Variants in GBE1 observed in about 807,000 individuals in gnomAD.
GBE1 encodes 1,4-alpha-glucan-branching enzyme.
Under a neutral mutation model 88.8 loss-of-function variants are expected in GBE1, and 70 were observed. The observed-to-expected ratio is 0.79, with a 90% CI of 0.65 to 0.96. The LOEUF is 0.96. Among genes scored for constraint, GBE1 ranks in the 40% least tolerant of loss-of-function variants. The probability of loss-of-function intolerance (pLI) is 0.00; values close to 1 mark genes in which losing one functional copy is unlikely to be tolerated. For synonymous variants in GBE1, 284 were observed against 300.1 expected, an observed-to-expected ratio of 0.95 and a Z score of 0.56; for missense variants, 872 against 871.0, an observed-to-expected ratio of 1.00 and a Z score of -0.01.
chr3:81,612,040 T>C (rs1704188460), intron 7 of GBE1, among the ~76,000 whole-genome samples: 1 of 152,092 alleles, frequency 6.6e-6, no homozygotes, highest in Admixed American at 6.6e-5. Flanking sequence ...TAATATGCAT[T>C]AATCAGTACT....
chr3:81,586,063 A>G, intron 10 of GBE1, 29 bp downstream of exon 10: 2 of 1,373,086 alleles, frequency 1.5e-6, no homozygotes, highest in South Asian at 2.5e-5. Flanking sequence ...GTATTCACAG[A>G]AACAAAAAAT....
At chr3:81,588,804 G>T (rs1559654296) in intron 9 of GBE1, among the ~76,000 whole-genome samples, 1 of 152,040 alleles carries the variant, frequency 6.6e-6, no homozygotes, top group Non-Finnish European at 1.5e-5. Context: ...AAGAGAGATG[G>T]ATTTGAGACT....
chr3:81,628,742 C>CATATACATATATATATAT (rs1704455928), intron 7 of GBE1, among the ~76,000 whole-genome samples: 1 of 65,418 alleles, frequency 1.5e-5, no homozygotes, highest in Non-Finnish European at 2.7e-5. Context: ...AGAACAATTG[C>CATATACATATATATATAT]ATATATATAT....
rs1576184666 is a variant in GBE1 at position 81,648,924 on chromosome 3, G to T, written c.623C>A (p.Ser208Tyr). The T allele has an allele frequency of 1.9e-6, 3 of 1,584,882 alleles. No individual in the cohort carries two copies. The East Asian group carries it at 6.8e-5, about 36-fold the overall frequency. ...ATAAGAAGCTACTTTTCCTTCATGG[G>T]AAGAAATTCCCACATGAGATTCATA... The part of the protein sequence containing the change: ...RIYESHVGIS[S>Y]HEGKVASYKH... The change falls in exon 5 of 16, where the codon TCC (serine) becomes TAC (tyrosine). Residue 208 changes from serine (S) to tyrosine (Y), a missense_variant. Ser to Tyr is a moderately radical substitution (Grantham distance 144). Coordinates refer to ENST00000429644, the MANE Select transcript of GBE1 (RefSeq NM_000158.4).
chr3:81,717,098 T>C (rs866354782), intron 1 of GBE1, among the ~76,000 whole-genome samples: 3 of 152,342 alleles, frequency 2.0e-5, no homozygotes, highest in South Asian at 2.1e-4. Context: ...CTGATTACCT[T>C]GGAAAAGGGC....
intron 12 of GBE1, among the ~76,000 whole-genome samples, chr3:81,571,294 G>A (rs1319537575): frequency 6.6e-6 from 1 of 152,198 alleles, no homozygotes; most frequent in African/African-American, 2.4e-5. Flanking sequence ...ATTAAGGAAT[G>A]AATGAGCAAA....
intron 14 of GBE1, among the ~76,000 whole-genome samples, chr3:81,512,553 A>G (rs913448130): frequency 3.3e-5 from 5 of 151,880 alleles, no homozygotes; most frequent in African/African-American, 1.2e-4. Flanking sequence ...TTAGTGAGAC[A>G]CACTTCATGT....
At chr3:81,621,704 CA>C (rs1477822891) in intron 7 of GBE1, among the ~76,000 whole-genome samples, 3 of 152,162 alleles carry the variant, frequency 2.0e-5, no homozygotes, top group African/African-American at 7.2e-5. Context: ...CTAGTCCTAA[CA>C]AAACTCCACC....
At position 81,729,920 on chromosome 3, in the gene GBE1, G is replaced by A. The variant is rs75355691; in HGVS notation, c.144-24307C>T. Among the ~76,000 whole-genome samples, 627 of 152,274 alleles carry A rather than the reference G, an allele frequency of 4.1e-3. 9 individuals carry two copies. The highest frequency in any genetic ancestry group is 0.014 in the Middle Eastern group (4 of 292). The stretch of plus-strand genomic sequence containing the variant: ...TCAGAATGTTACCATTCTATGGACT[G>A]ATCAACCAACTGTGTGGGAGCAGGC... On this transcript the variant is annotated intron_variant, in intron 1 of 15. Coordinates refer to ENST00000429644, the MANE Select transcript of GBE1 (RefSeq NM_000158.4).
intron 7 of GBE1, among the ~76,000 whole-genome samples, chr3:81,618,090 C>T (rs34439726): frequency 0.23 from 34,919 of 151,724 alleles, 4,190 homozygotes; most frequent in East Asian, 0.41. Context: ...TTGTATTTAG[C>T]CGTACTTTTA....
chr3:81,691,920 G>C (rs2107145314), intron 2 of GBE1, among the ~76,000 whole-genome samples: 1 of 152,288 alleles, frequency 6.6e-6, no homozygotes, highest in East Asian at 1.9e-4. Context: ...AACTCTTAGA[G>C]GAAGGGATCT....
chr3:81,504,577 T>A (rs1702630291), intron 14 of GBE1, among the ~76,000 whole-genome samples: 1 of 152,176 alleles, frequency 6.6e-6, no homozygotes, highest in African/African-American at 2.4e-5. Flanking sequence ...TATGATTTCT[T>A]ATTTTAAATT....
chr3:81,536,212 TA>T (rs199892591), intron 13 of GBE1, among the ~76,000 whole-genome samples: 126 of 146,114 alleles, frequency 8.6e-4, no homozygotes, highest in Middle Eastern at 7.0e-3. Flanking sequence ...GTTCAGCCAT[TA>T]AAAAAAAAAG....
At chr3:81,617,390 A>C (rs1181094894) in intron 7 of GBE1, among the ~76,000 whole-genome samples, 2 of 151,908 alleles carry the variant, frequency 1.3e-5, no homozygotes, top group Non-Finnish European at 2.9e-5. Flanking sequence ...CTTCTTTATT[A>C]AGACTTGACA....
chr3:81,518,346 C>T (rs138819711), intron 14 of GBE1, among the ~76,000 whole-genome samples: 117 of 143,726 alleles, frequency 8.1e-4, no homozygotes, highest in African/African-American at 2.8e-3. Flanking sequence ...AAACAACAGG[C>T]CCCTGGTCCC....
In GBE1 at chr3:81,721,711, A is replaced by C. The variant is rs1575765902; in HGVS notation, c.144-16098T>G. On this transcript the variant is annotated intron_variant, in intron 1 of 15. Transcript: ENST00000429644. Reference sequence around the variant, plus strand: ...TATGTCCTCAGCATCTAGTACAGCAACCATTAAGAAACAGAGCTAGAACAA... The same window carrying C: ...TATGTCCTCAGCATCTAGTACAGCACCCATTAAGAAACAGAGCTAGAACAA... 2.6e-5 allele frequency among the ~76,000 whole-genome samples: 4 copies of C among 152,326 alleles called. No homozygotes were observed. In the South Asian group the frequency reaches 8.3e-4, roughly 32 times the overall value.
chr3:81,740,371 ATC>A lies in GBE1; in HGVS notation c.143+21002_143+21003del, dbSNP rs1332463158. ...TAAGATTTTCAGCTATACATAGAGG[ATC>A]TCTCTCTTTTTTTTTTAAGCTGGTA... On this transcript the variant is annotated intron_variant, in intron 1 of 15. Coordinates refer to ENST00000429644, the MANE Select transcript of GBE1 (RefSeq NM_000158.4). 3.3e-5 allele frequency among the ~76,000 whole-genome samples: 5 copies of A among 151,738 alleles called. No homozygotes were observed. In the South Asian group the frequency reaches 8.3e-4, roughly 25 times the overall value.
intron 3 of GBE1, among the ~76,000 whole-genome samples, chr3:81,666,843 C>G (rs1293191314): frequency 6.6e-6 from 1 of 152,020 alleles, no homozygotes; most frequent in Non-Finnish European, 1.5e-5. Context: ...TTTTAATTGC[C>G]TAAAAAGCAC....
chr3:81,657,615 T>C (rs1704960619), intron 3 of GBE1, among the ~76,000 whole-genome samples: 1 of 152,112 alleles, frequency 6.6e-6, no homozygotes, highest in South Asian at 2.1e-4. Flanking sequence ...GGTAAGATTA[T>C]ATAAATTAGG....
Sources: allele counts gnomAD v4.1 joint callset (sites outside exome capture counted in the v4.1 genomes callset), GRCh38; gene constraint gnomAD v4.1.1; transcripts MANE v1.5; gene names NCBI Gene and HGNC (gene_info 2026-07-23, HGNC 2026-07-21).